Variants in XYLB observed in about 807,000 individuals in gnomAD.
The protein encoded by XYLB is xylulokinase.
In XYLB, 62 loss-of-function variants were observed where a neutral mutation model predicts 78.7. The observed-to-expected ratio is 0.79, with a 90% CI of 0.64 to 0.97. The LOEUF (loss-of-function observed/expected upper bound fraction) is 0.97, where lower values mean the gene tolerates loss of function less well. Among genes scored for constraint, XYLB ranks in the 50% least tolerant of loss-of-function variants. XYLB has a pLI of 0.00. For missense variants in XYLB, 687 were observed against 676.8 expected (o/e 1.02, Z -0.17); for synonymous variants, 245 against 247.4 (o/e 0.99, Z 0.09).
chr3:38,401,616 C>T (rs1708126217), intron 18 of XYLB, among the ~76,000 whole-genome samples: 1 of 152,136 alleles, frequency 6.6e-6, no homozygotes, highest in African/African-American at 2.4e-5. Context: ...TAGAGTTTTA[C>T]CCAGTTGGTC....
At chr3:38,363,528 G>A (rs1706088522) in intron 4 of XYLB, among the ~76,000 whole-genome samples, 1 of 152,124 alleles carries the variant, frequency 6.6e-6, no homozygotes, top group African/African-American at 2.4e-5. Context: ...CTACAGGGTG[G>A]TGCTGTGGAG....
Position 38,361,673 on chromosome 3 carries a change from C to A in XYLB, c.211-1264C>A, listed in dbSNP as rs117724579. On this transcript the variant is annotated intron_variant, in intron 3 of 18. Transcript: ENST00000207870. ...TGGGGAGGTGAGCAGTGGGTGAGAA[C>A]CAGGCTTGGGGGCAGGGCCAAGGTG... Among the ~76,000 whole-genome samples, 225 of 152,248 alleles carry A rather than the reference C, an allele frequency of 1.5e-3. 7 individuals carry two copies. The East Asian group carries it at 0.041, about 28-fold the overall frequency.
At chr3:38,355,994 T>C (rs1378766065) in intron 2 of XYLB, 1 of 541,302 alleles carries the variant, frequency 1.8e-6, no homozygotes, top group East Asian at 3.0e-5. Context: ...CTCACGCCTG[T>C]AATCCCAGCA....
In XYLB at chr3:38,365,733, T is replaced by C; in HGVS notation, c.504T>C (p.Tyr168=). ...ALSCLTGSRA[Y]ERFTGNQIAK... Reference sequence around the variant, plus strand: ...GCTGCCTCACGGGGTCCCGTGCCTATGAGGTAGGCTGAGGATGCGGGGGGT... The same window carrying C: ...GCTGCCTCACGGGGTCCCGTGCCTACGAGGTAGGCTGAGGATGCGGGGGGT... Residue 168 remains tyrosine, a synonymous_variant, in exon 6 of 19, where the codon TAT becomes TAC. Transcript: ENST00000207870. 1.9e-6 allele frequency: 3 copies of C among 1,611,252 alleles called. No individual in the cohort carries two copies. In the South Asian group the frequency reaches 3.3e-5, roughly 18 times the overall value.
intron 3 of XYLB, among the ~76,000 whole-genome samples, chr3:38,361,204 G>A (rs891956791): frequency 3.9e-5 from 6 of 152,204 alleles, no homozygotes; most frequent in African/African-American, 9.7e-5. Flanking sequence ...CAGGAAAGGA[G>A]AATGCCTGTA....
At chr3:38,435,016 A>G in the XYLB span, among the ~76,000 whole-genome samples, 20 of 152,288 alleles carry the variant, frequency 1.3e-4, no homozygotes, top group Admixed American at 6.5e-5. Flanking sequence ...ACGTGCCTGT[A>G]ATCCCAGCTA....
rs150204332 is a variant in XYLB, at chr3:38,371,678, G to A, written c.766-977G>A. On this transcript the variant is annotated intron_variant, in intron 9 of 18. Transcript: ENST00000207870. Reference sequence around the variant, plus strand: ...GCTGGAATTACAGGTGTGAACCACCGTGCTCGGCCGTTTTTCTTGTATGAT... The same window carrying A: ...GCTGGAATTACAGGTGTGAACCACCATGCTCGGCCGTTTTTCTTGTATGAT... Among the ~76,000 whole-genome samples the A allele has an allele frequency of 4.7e-3, 709 of 152,254 alleles. 8 individuals carry two copies. Among genetic ancestry groups the A allele is most frequent in the African/African-American group, 0.016 (676 of 41,550 alleles).
At chr3:38,426,899 G>A in the XYLB span, among the ~76,000 whole-genome samples, 1 of 152,166 alleles carries the variant, frequency 6.6e-6, no homozygotes, top group Admixed American at 6.5e-5. Flanking sequence ...AGCAGGGCAA[G>A]GAACACCTGG....
chr3:38,375,467 C>A (rs1019034826), intron 12 of XYLB, among the ~76,000 whole-genome samples: 3 of 152,234 alleles, frequency 2.0e-5, no homozygotes, highest in Admixed American at 2.0e-4. Context: ...GACCCTGTGT[C>A]CTTCAAGCCC....
Position 38,375,155 on chromosome 3 carries a change from C to T in XYLB, c.900C>T (p.Gly300=), listed in dbSNP as rs1220239410. The T allele has an allele frequency of 6.2e-7, 1 of 1,613,900 alleles. No homozygotes were observed. The highest frequency in any genetic ancestry group is 1.7e-5 in the Admixed American group (1 of 60,018). ...LEEGDIAVSL[G]TSDTLFLWLQ... ...CTATCTCTCCTCAGGTCAGCCTGGG[C>T]ACCAGTGACACCCTGTTTCTCTGGC... Residue 300 remains glycine (G), a synonymous_variant, in exon 12 of 19, where the codon GGC becomes GGT. Transcript: ENST00000207870.
chr3:38,443,702 C>T, the XYLB span, among the ~76,000 whole-genome samples: 1 of 152,266 alleles, frequency 6.6e-6, no homozygotes, highest in East Asian at 1.9e-4. Context: ...ATATCTGTGA[C>T]TGATTGGGAA....
In XYLB at chr3:38,376,949, T is replaced by G. The variant is rs763360191; in HGVS notation, c.1152T>G (p.Pro384=). Residue 384 remains proline, a synonymous_variant, in exon 14 of 19, where the codon CCT becomes CCG. Coordinates refer to ENST00000207870, the MANE Select transcript of XYLB (RefSeq NM_005108.4). ...GFYFDVMEIT[P]EIIGRHRFNT... ...ATTTTGATGTAATGGAGATCACCCC[T>G]GAAATTATTGGACGTCATAGGTTTA... The G allele has an allele frequency of 1.9e-6, 3 of 1,614,118 alleles. No homozygotes were observed. The highest frequency in any genetic ancestry group is 2.5e-6 in the Non-Finnish European group (3 of 1,179,986).
intron 15 of XYLB, among the ~76,000 whole-genome samples, chr3:38,381,628 T>A (rs1476909571): frequency 4.6e-5 from 7 of 152,234 alleles, no homozygotes; most frequent in Non-Finnish European, 8.8e-5. Context: ...TGCGGGTAGG[T>A]CTCTGAACTG....
At chr3:38,358,536 G>T (rs1184537241) in intron 2 of XYLB, among the ~76,000 whole-genome samples, 1 of 151,852 alleles carries the variant, frequency 6.6e-6, no homozygotes, top group Non-Finnish European at 1.5e-5. Context: ...TAGAGATGGG[G>T]TTTCACCATA....
chr3:38,362,923 GT>G lies in XYLB; in HGVS notation c.211-9del. ...GTTCTGTACAGTCATGGTGGGTTCT[GT>G]TTTTCTTCTTAGGCACTGGATATCA... On this transcript the variant is annotated splice_polypyrimidine_tract_variant and intron_variant, in intron 3 of 18. Transcript: ENST00000207870. 6.4e-7 allele frequency: 1 copy of G among 1,559,810 alleles called. No individual in the cohort carries two copies. The highest frequency in any genetic ancestry group is 8.7e-7 in the Non-Finnish European group (1 of 1,152,192).
intron 2 of XYLB, among the ~76,000 whole-genome samples, chr3:38,359,119 C>T (rs1021417800): frequency 6.6e-6 from 1 of 152,234 alleles, no homozygotes; most frequent in Non-Finnish European, 1.5e-5. Context: ...TGACAGTAAG[C>T]CTGTGATAAA....
the XYLB span, among the ~76,000 whole-genome samples, chr3:38,433,271 G>A: frequency 6.6e-6 from 1 of 152,214 alleles, no homozygotes; most frequent in Non-Finnish European, 1.5e-5. Flanking sequence ...AAGAGGGCCT[G>A]GGCCTGGCCC....
chr3:38,417,879 CAAA>C (rs534465318), downstream of XYLB, among the ~76,000 whole-genome samples: 2 of 91,524 alleles, frequency 2.2e-5, no homozygotes. Flanking sequence ...GACTTCATCT[CAAA>C]AAAAAAAAAA....
At chr3:38,362,353 T>C (rs917076888) in intron 3 of XYLB, among the ~76,000 whole-genome samples, 4 of 152,202 alleles carry the variant, frequency 2.6e-5, no homozygotes, top group African/African-American at 9.6e-5. Context: ...TCCTCCCTCC[T>C]CAGCCTCCTG....
Sources: allele counts gnomAD v4.1 joint callset (sites outside exome capture counted in the v4.1 genomes callset), GRCh38; gene constraint gnomAD v4.1.1; transcripts MANE v1.5; gene names NCBI Gene and HGNC (gene_info 2026-07-23, HGNC 2026-07-21).